PPP2R2B: variants seen among roughly 807,000 people sequenced by gnomAD.
The protein encoded by PPP2R2B is protein phosphatase 2 regulatory subunit Bbeta, also known as serine/threonine-protein phosphatase 2A 55 kDa regulatory subunit B beta isoform.
Under a neutral mutation model 46.0 loss-of-function variants are expected in PPP2R2B, and 5 were observed. That is an observed-to-expected ratio of 0.11 (90% CI 0.06 to 0.23). The LOEUF is 0.23. Among genes scored for constraint, PPP2R2B ranks in the 10% least tolerant of loss-of-function variants. The pLI is 1.00. For missense variants in PPP2R2B, 367 were observed against 575.0 expected (o/e 0.64, Z 3.70); for synonymous variants, 215 against 206.7 (o/e 1.04, Z -0.34).
intron 2 of PPP2R2B, among the ~76,000 whole-genome samples, chr5:147,076,234 A>T (rs1024540706): frequency 8.5e-5 from 13 of 152,150 alleles, no homozygotes. Context: ...CTCTTATTGT[A>T]TGAAAGATGA....
At chr5:146,883,397 T>C (rs977231378), upstream of PPP2R2B, among the ~76,000 whole-genome samples, 14 of 152,310 alleles carry the variant, frequency 9.2e-5, no homozygotes, top group East Asian at 2.1e-3. Context: ...TCCAAGTCAA[T>C]TGTTCATGTG....
intron 2 of PPP2R2B, among the ~76,000 whole-genome samples, chr5:146,818,456 A>G (rs962072029): frequency 2.6e-5 from 4 of 151,938 alleles, no homozygotes; most frequent in East Asian, 3.9e-4. Context: ...CTCTTATTCC[A>G]TATGATAAGA....
chr5:146,683,143 C>A (rs1442925886), intron 5 of PPP2R2B, among the ~76,000 whole-genome samples: 6 of 152,142 alleles, frequency 3.9e-5, no homozygotes, highest in Non-Finnish European at 7.4e-5. Flanking sequence ...GATCATCCAG[C>A]TTTGGTAAGC....
At chr5:146,830,224 A>C (rs548489606) in intron 2 of PPP2R2B, among the ~76,000 whole-genome samples, 1 of 152,332 alleles carries the variant, frequency 6.6e-6, no homozygotes, top group East Asian at 1.9e-4. Context: ...CAGTTTACTC[A>C]TCTGTCAAAT....
intron 1 of PPP2R2B, among the ~76,000 whole-genome samples, chr5:147,027,074 T>G (rs972888906): frequency 6.6e-6 from 1 of 152,138 alleles, no homozygotes; most frequent in Non-Finnish European, 1.5e-5. Context: ...TTTTGGTATA[T>G]TCACACAATA....
At chr5:146,755,467 C>T (rs956735525) in intron 2 of PPP2R2B, among the ~76,000 whole-genome samples, 2 of 152,172 alleles carry the variant, frequency 1.3e-5, no homozygotes, top group African/African-American at 4.8e-5. Flanking sequence ...TTAAAAATCA[C>T]CTTAGCATAA....
chr5:146,671,748 G>A (rs988957164), intron 5 of PPP2R2B, among the ~76,000 whole-genome samples: 4 of 152,168 alleles, frequency 2.6e-5, no homozygotes, highest in African/African-American at 9.7e-5. Flanking sequence ...TACCTGACTG[G>A]CTGAATCCCT....
At chr5:146,907,388 T>C (rs1366574021) in intron 1 of PPP2R2B, among the ~76,000 whole-genome samples, 1 of 152,208 alleles carries the variant, frequency 6.6e-6, no homozygotes, top group Non-Finnish European at 1.5e-5. Flanking sequence ...TTAAAATGAA[T>C]GTGTTCCCAT....
chr5:146,800,943 C>T (rs762571709), intron 2 of PPP2R2B, among the ~76,000 whole-genome samples: 13 of 151,988 alleles, frequency 8.6e-5, no homozygotes, highest in Non-Finnish European at 1.6e-4. Flanking sequence ...CACACACACA[C>T]ACATATACAC....
intron 2 of PPP2R2B, among the ~76,000 whole-genome samples, chr5:146,778,021 C>A (rs1301706048): frequency 6.6e-6 from 1 of 152,148 alleles, no homozygotes; most frequent in Non-Finnish European, 1.5e-5. Flanking sequence ...ATGAGGGTCT[C>A]AAAGGCCTTC....
intron 4 of PPP2R2B, among the ~76,000 whole-genome samples, chr5:146,694,573 A>G (rs1779065717): frequency 6.6e-6 from 1 of 152,220 alleles, no homozygotes; most frequent in African/African-American, 2.4e-5. Context: ...CCAGTCAGGA[A>G]CGATCATCGT....
chr5:146,815,821 A>T (rs763252652), intron 2 of PPP2R2B, among the ~76,000 whole-genome samples: 1 of 152,218 alleles, frequency 6.6e-6, no homozygotes, highest in Non-Finnish European at 1.5e-5. Context: ...GGAAAGCAAG[A>T]TCATCAAAAC....
chr5:146,890,319 C>G (rs571504652), intron 1 of PPP2R2B, among the ~76,000 whole-genome samples: 3 of 152,198 alleles, frequency 2.0e-5, no homozygotes, highest in Non-Finnish European at 2.9e-5. Context: ...TCCTGAGCCA[C>G]GGCTGTAGAG....
intron 1 of PPP2R2B, among the ~76,000 whole-genome samples, chr5:146,946,871 G>C (rs773604112): frequency 4.6e-5 from 7 of 152,036 alleles, no homozygotes; most frequent in Non-Finnish European, 8.8e-5. Context: ...GGAATTGGGT[G>C]GTTGGGGTAG....
At chr5:146,656,382 C>CT (rs567057677) in intron 5 of PPP2R2B, 1,708 of 144,794 alleles carry the variant, frequency 0.012, 30 homozygotes, top group Admixed American at 0.044. Context: ...TAGCAAAGAG[C>CT]TTTTTTTTTT....
At chr5:146,635,285 AACTTTT>A (rs1435450930) in intron 7 of PPP2R2B, among the ~76,000 whole-genome samples, 2 of 148,540 alleles carry the variant, frequency 1.3e-5, no homozygotes. Flanking sequence ...TTTTTTTTTT[AACTTTT>A]AAGTTCAGTG....
In PPP2R2B at chr5:146,980,743, T is replaced by C. The variant is rs181577251; in HGVS notation, c.79+74922A>G. ...TTTGCATGTAATTTGAGGCTATATG[T>C]TGTCAATTTTTGGAATGTTTTATAC... On this transcript the variant is annotated intron_variant, in intron 1 of 8. Transcript: ENST00000336640. Among the ~76,000 whole-genome samples the C allele has an allele frequency of 8.5e-4, 130 of 152,338 alleles. 1 individual carries two copies. The highest frequency in any genetic ancestry group is 3.4e-3 in the Middle Eastern group (1 of 294).
chr5:146,661,589 A>G (rs936745811), intron 5 of PPP2R2B, among the ~76,000 whole-genome samples: 9 of 152,190 alleles, frequency 5.9e-5, no homozygotes, highest in African/African-American at 1.9e-4. Context: ...ATTAATGTAT[A>G]TATTTTAAAT....
chr5:146,983,657 C>T (rs74670292), intron 1 of PPP2R2B, among the ~76,000 whole-genome samples: 1,981 of 152,242 alleles, frequency 0.013, 47 homozygotes, highest in African/African-American at 0.045. Context: ...TTAAACTTCT[C>T]TTCTACATAA....
Sources: gnomAD v4.1 joint callset for allele counts (sites outside exome capture counted in the v4.1 genomes callset) on GRCh38, gnomAD v4.1.1 for gene constraint, MANE v1.5 for transcripts, NCBI Gene and HGNC (gene_info 2026-07-23, HGNC 2026-07-21) for gene names.